Variants in MPHOSPH9 observed in about 807,000 individuals in gnomAD.
MPHOSPH9 encodes M-phase phosphoprotein 9.
In MPHOSPH9, 88 loss-of-function variants were observed where a neutral mutation model predicts 145.5. The observed-to-expected ratio is 0.60, with a 90% CI of 0.51 to 0.72. The LOEUF is 0.72. Among genes scored for constraint, MPHOSPH9 ranks in the 30% least tolerant of loss-of-function variants. MPHOSPH9 has a pLI of 0.00. For missense variants in MPHOSPH9, 1,238 were observed against 1,386.6 expected (o/e 0.89, Z 1.70); for synonymous variants, 435 against 486.2 (o/e 0.89, Z 1.39).
At chr12:123,188,333 GC>G (rs2138184599) in intron 13 of MPHOSPH9, among the ~76,000 whole-genome samples, 1 of 152,190 alleles carries the variant, frequency 6.6e-6, no homozygotes, top group African/African-American at 2.4e-5. Context: ...ATTTCAGAGA[GC>G]AATTTAGCAA....
At chr12:123,240,582 T>A (rs1467163589) in intron 1 of MPHOSPH9, 1 of 151,378 alleles carries the variant, frequency 6.6e-6, no homozygotes, top group Non-Finnish European at 1.5e-5. Flanking sequence ...CCATGAAAGT[T>A]GTAGCTAAGG....
intron 16 of MPHOSPH9, among the ~76,000 whole-genome samples, chr12:123,174,690 T>C (rs1425623616): frequency 6.6e-6 from 1 of 152,008 alleles, no homozygotes; most frequent in African/African-American, 2.4e-5. Context: ...AAATTTATCA[T>C]ACCATCCTAA....
At chr12:123,194,622 T>C (rs778164673) in intron 12 of MPHOSPH9, 21 bp from the exon 13 acceptor site, 7 of 1,367,818 alleles carry the variant, frequency 5.1e-6, no homozygotes, top group African/African-American at 1.9e-5. Flanking sequence ...AAGACAAACA[T>C]AATTTTTTTT....
intron 8 of MPHOSPH9, among the ~76,000 whole-genome samples, chr12:123,209,027 G>A (rs1332576630): frequency 1.3e-5 from 2 of 152,116 alleles, no homozygotes; most frequent in Admixed American, 6.6e-5. Flanking sequence ...CCACCTCCTG[G>A]GTTCAAGTGA....
chr12:123,190,156 C>CTT (rs549420078), intron 13 of MPHOSPH9, among the ~76,000 whole-genome samples: 2 of 141,030 alleles, frequency 1.4e-5, no homozygotes, highest in African/African-American at 2.6e-5. Flanking sequence ...TTTTATTTCT[C>CTT]TTTTTTTTTT....
intron 7 of MPHOSPH9, among the ~76,000 whole-genome samples, 188 bp from the exon 8 acceptor site, chr12:123,210,350 T>C (rs2046648149): frequency 6.6e-6 from 1 of 152,160 alleles, no homozygotes; most frequent in African/African-American, 2.4e-5. Context: ...TGGATGCAAA[T>C]GTTTAAAACT....
chr12:123,207,797 G>A (rs535572557), intron 8 of MPHOSPH9, among the ~76,000 whole-genome samples: 60 of 150,560 alleles, frequency 4.0e-4, no homozygotes, highest in Admixed American at 1.1e-3. Context: ...AGATTGCAGT[G>A]AGCTGAGATC....
At chr12:123,199,547 G>A (rs1248632828) in intron 11 of MPHOSPH9, among the ~76,000 whole-genome samples, 1 of 152,110 alleles carries the variant, frequency 6.6e-6, no homozygotes, top group African/African-American at 2.4e-5. Context: ...TTGAGAGGCC[G>A]AGGCCGGTGG....
At chr12:123,178,065 G>A (rs1280625681) in intron 15 of MPHOSPH9, among the ~76,000 whole-genome samples, 1 of 152,132 alleles carries the variant, frequency 6.6e-6, no homozygotes, top group Non-Finnish European at 1.5e-5. Context: ...TTTAAGAGAT[G>A]AGGTCTCGCT....
chr12:123,181,113 A>G (rs1266111642), intron 14 of MPHOSPH9, 50 bp downstream of exon 14: 2 of 1,523,172 alleles, frequency 1.3e-6, no homozygotes, highest in African/African-American at 2.7e-5. Flanking sequence ...TTCCCAATCC[A>G]ATGTTTCTGC....
rs1226829835 is a variant in MPHOSPH9, at chr12:123,224,079, C to G, written c.259-952G>C. On this transcript the variant is annotated intron_variant, in intron 3 of 23. Transcript: ENST00000606320. ...CCTCCCAAGTAGCTGAGATTACAGA[C>G]ATGTGTCACCATGTTCGGCTAATTG... Among the ~76,000 whole-genome samples, 3 of 146,716 alleles carry G rather than the reference C, an allele frequency of 2.0e-5. No individual in the cohort carries two copies. In the East Asian group the frequency reaches 6.6e-4, roughly 32 times the overall value.
chr12:123,207,995 C>G (rs964295467), intron 8 of MPHOSPH9, among the ~76,000 whole-genome samples: 1 of 151,436 alleles, frequency 6.6e-6, no homozygotes, highest in African/African-American at 2.4e-5. Flanking sequence ...TCCCAGCACT[C>G]TGGGAGGCTG....
At chr12:123,198,414 TAA>T in intron 11 of MPHOSPH9, 80 bp from the exon 12 acceptor site, 2 of 1,134,446 alleles carry the variant, frequency 1.8e-6, no homozygotes, top group South Asian at 2.8e-5. Context: ...ACCAATTCTC[TAA>T]TATATAACAT....
Position 123,202,169 on chromosome 12 carries a change from T to A in MPHOSPH9, c.1932A>T (p.Val644=). Residue 644 remains valine, a synonymous_variant, in exon 11 of 24, where the codon GTA becomes GTT. Transcript: ENST00000606320. The stretch of plus-strand genomic sequence containing the variant: ...AGCTAAATTATAAATTTTACCTGTC[T>A]ACAAGAATTTGATTGGTTATCTTCC... The part of the protein sequence containing the change: ...EDWKITNQIL[V]DRCGQLDSAL... 6.2e-7 allele frequency: 1 copy of A among 1,606,596 alleles called. No individual in the cohort carries two copies. The highest frequency in any genetic ancestry group is 8.5e-7 in the Non-Finnish European group (1 of 1,178,006).
chr12:123,182,124 A>T (rs1387968583), intron 13 of MPHOSPH9, among the ~76,000 whole-genome samples: 2 of 149,768 alleles, frequency 1.3e-5, no homozygotes, highest in African/African-American at 2.5e-5. Flanking sequence ...TATTTTTAGT[A>T]AAGACGGGGT....
At chr12:123,209,271 A>G (rs2046589390) in intron 8 of MPHOSPH9, among the ~76,000 whole-genome samples, 1 of 152,196 alleles carries the variant, frequency 6.6e-6, no homozygotes, top group African/African-American at 2.4e-5. Context: ...AAGATTACAT[A>G]AGGCAAAAAT....
chr12:123,197,769 G>A (rs150378933), intron 12 of MPHOSPH9, among the ~76,000 whole-genome samples: 6,734 of 145,348 alleles, frequency 0.046, 275 homozygotes, highest in East Asian at 0.26. Context: ...GCGACAGAGC[G>A]AGACTCCATC....
Position 123,194,160 on chromosome 12 carries a change from T to C in MPHOSPH9, c.2241+226A>G, listed in dbSNP as rs1451357313. Among the ~76,000 whole-genome samples the C allele has an allele frequency of 2.0e-5, 3 of 152,024 alleles. No individual in the cohort carries two copies. Among genetic ancestry groups the C allele is most frequent in the African/African-American group, 7.3e-5 (3 of 41,378 alleles). ...GGTGGGCTCCTGTAATTCCAGCTAC[T>C]TGGGAGGCTGAGGCGAGAAGATCTC... On this transcript the variant is annotated intron_variant, in intron 13 of 23. Transcript: ENST00000606320.
chr12:123,163,814 G>A, intron 19 of MPHOSPH9, 136 bp downstream of exon 19: 2 of 845,106 alleles, frequency 2.4e-6, no homozygotes, highest in East Asian at 2.6e-5. Flanking sequence ...TCTTATTTAG[G>A]GGTCCTCTGC....
Sources: allele counts gnomAD v4.1 joint callset (sites outside exome capture counted in the v4.1 genomes callset), GRCh38; gene constraint gnomAD v4.1.1; transcripts MANE v1.5; gene names NCBI Gene and HGNC (gene_info 2026-07-23, HGNC 2026-07-21).